The following APOL3 variants were observed in gnomAD, a reference collection of about 807,000 sequenced individuals.
The protein encoded by APOL3 is apolipoprotein L3.
A neutral mutation model predicts 11.6 loss-of-function variants in APOL3; 14 were observed. That is an observed-to-expected ratio of 1.21 (90% CI 0.80 to 1.89). The LOEUF is 1.89. Among genes scored for constraint, APOL3 ranks in the 40% most tolerant of loss-of-function variants. APOL3 has a pLI of 0.00. For missense variants in APOL3, 483 were observed against 492.1 expected, an observed-to-expected ratio of 0.98 and a Z score of 0.17; for synonymous variants, 192 against 190.6, an observed-to-expected ratio of 1.01 and a Z score of -0.06.
At chr22:36,159,746 C>T (rs80584) in intron 1 of APOL3, 135,655 of 152,284 alleles carry the variant, frequency 0.89, 60,704 homozygotes, top group East Asian at 0.97. Flanking sequence ...AACTTCCTGA[C>T]ATGGGACCCT....
chr22:36,159,311 C>T (rs1208545990), intron 1 of APOL3: 3 of 152,176 alleles, frequency 2.0e-5, no homozygotes, highest in African/African-American at 7.2e-5. Context: ...GGCATCCTAA[C>T]CCCCTAAGGC....
At chr22:36,143,284 C>T (rs1288202414) in intron 2 of APOL3, among the ~76,000 whole-genome samples, 1 of 152,248 alleles carries the variant, frequency 6.6e-6, no homozygotes, top group Admixed American at 6.5e-5. Flanking sequence ...CGAAGCTTCA[C>T]ACCTGAAACC....
chr22:36,145,591 GT>G lies in APOL3; in HGVS notation c.231del (p.Lys77AsnfsTer24), dbSNP rs2060167321. 1 of 1,613,230 alleles carries G rather than the reference GT, an allele frequency of 6.2e-7. No homozygotes were observed. The highest frequency in any genetic ancestry group is 1.3e-5 in the African/African-American group (1 of 74,862). On this transcript the variant is annotated frameshift_variant, in exon 2 of 3. Transcript: ENST00000349314. LOFTEE classifies it high-confidence loss of function. ...TATTTGGTGGCCTCTTCAGTAAAGC[GT>G]TTCTTTTCTACTTGGAAACAAAAAG...
intron 1 of APOL3, chr22:36,159,795 C>T (rs2013486739): frequency 6.6e-6 from 1 of 152,368 alleles, no homozygotes; most frequent in East Asian, 1.9e-4. Context: ...AGTTTACCCA[C>T]AGGGCCTGGC....
At chr22:36,141,244 G>T in exon 3 of APOL3, 1 of 1,614,126 alleles carries the variant, frequency 6.2e-7, no homozygotes, top group South Asian at 1.1e-5. Context: ...ATCTGAGTGA[G>T]CTCCATTAGA....
intron 1 of APOL3, among the ~76,000 whole-genome samples, chr22:36,157,274 A>C (rs2146883895): frequency 6.6e-6 from 1 of 152,304 alleles, no homozygotes; most frequent in East Asian, 1.9e-4. Flanking sequence ...TGACACTCTT[A>C]TGCAGCAACC....
intron 2 of APOL3, among the ~76,000 whole-genome samples, chr22:36,143,706 G>T (rs80575): frequency 0.56 from 84,962 of 152,000 alleles, 24,701 homozygotes; most frequent in Middle Eastern, 0.73. Context: ...GCCACTTGAC[G>T]GCCTCCTGAC....
chr22:36,162,788 G>A (rs146607165), upstream of APOL3, among the ~76,000 whole-genome samples: 458 of 152,280 alleles, frequency 3.0e-3, no homozygotes, highest in Non-Finnish European at 5.3e-3. Context: ...CCATCCCAGC[G>A]CAGAATTCCT....
chr22:36,141,826 C>A (rs1308058231), exon 3 of APOL3: 1 of 1,614,218 alleles, frequency 6.2e-7, no homozygotes, highest in East Asian at 2.2e-5. Flanking sequence ...GAGGCAGCGC[C>A]AGTGGAGCTG....
At position 36,145,964 on chromosome 22, in the gene APOL3, C is replaced by CTCTTCCTG. The variant is rs2060188450; in HGVS notation, c.224-366_224-365insCAGGAAGA. Among the ~76,000 whole-genome samples the CTCTTCCTG allele has an allele frequency of 6.0e-5, 8 of 133,404 alleles. No homozygotes were observed. The South Asian group carries it at 2.3e-3, about 38-fold the overall frequency. The allele number at this position is 133,404 out of a possible 152,430, so 87.5% of individuals were successfully genotyped here. ...GCTGTCTCTCTTGCCTTCCAGCCCT[C>CTCTTCCTG]TCTCCCTGTCTCTCTTTCTCTCTCT... On this transcript the variant is annotated intron_variant, in intron 1 of 2. Coordinates refer to ENST00000349314, the Ensembl canonical transcript of APOL3.
Position 36,141,823 on chromosome 22 carries a change from C to T in APOL3, c.586G>A (p.Ala196Thr), listed in dbSNP as rs140252051. 4.7e-3 allele frequency: 7,514 copies of T among 1,614,190 alleles called. 41 individuals carry two copies. The highest frequency in any genetic ancestry group is 5.5e-3 in the Non-Finnish European group (6,467 of 1,180,030). The change falls in exon 3 of 3, where the codon GCT becomes ACT. Residue 196 changes from alanine to threonine, a missense_variant. Physicochemically the swap from Ala to Thr is moderately conservative, Grantham distance 58. Transcript: ENST00000349314. ...GCAAGGGACATGATGCCAGAGGCAGCGCCAGTGGAGCTGGACACCACATTG... is the reference window on the plus strand; with the variant it reads ...GCAAGGGACATGATGCCAGAGGCAGTGCCAGTGGAGCTGGACACCACATTG...
At chr22:36,141,451 C>T (rs1367338789) in exon 3 of APOL3, 1 of 1,614,194 alleles carries the variant, frequency 6.2e-7, no homozygotes, top group Admixed American at 1.7e-5. Context: ...TCTGCTTGAC[C>T]ACCACTTCCA....
At chr22:36,141,310 C>T in exon 3 of APOL3, 1 of 1,614,134 alleles carries the variant, frequency 6.2e-7, no homozygotes, top group East Asian at 2.2e-5. Context: ...GCAGACTTTG[C>T]CCCCTCATGC....
intron 1 of APOL3, chr22:36,157,123 T>G: frequency 2.4e-6 from 1 of 419,158 alleles, no homozygotes; most frequent in South Asian, 1.7e-5. Flanking sequence ...CTTATTACTT[T>G]TGTACGAGGA....
exon 3 of APOL3, chr22:36,141,334 C>G (rs542353913): frequency 1.2e-6 from 2 of 1,614,044 alleles, no homozygotes; most frequent in East Asian, 2.2e-5. Flanking sequence ...TGCTTTGACT[C>G]GTATACAAGG....
chr22:36,153,293 TG>T (rs1319072204), intron 1 of APOL3: 1 of 425,406 alleles, frequency 2.4e-6, no homozygotes, highest in Non-Finnish European at 4.7e-6. Flanking sequence ...ACCTCAATAA[TG>T]GTTTGGATTG....
exon 2 of APOL3, chr22:36,145,488 G>A (rs141517147): frequency 8.2e-5 from 132 of 1,613,930 alleles, no homozygotes; most frequent in East Asian, 7.4e-4. Flanking sequence ...CAATTCAGCC[G>A]CAGTCACGAA....
At chr22:36,154,391 G>C (rs1360739837) in intron 1 of APOL3, 1 of 335,226 alleles carries the variant, frequency 3.0e-6, no homozygotes, top group Non-Finnish European at 5.9e-6. Context: ...ATTCAAGTGA[G>C]AACATTTGAG....
intron 1 of APOL3, 105 bp from the exon 3 acceptor site, chr22:36,145,704 A>G: frequency 1.4e-6 from 2 of 1,439,392 alleles, no homozygotes; most frequent in Non-Finnish European, 1.9e-6. Flanking sequence ...CAGCTGTCAC[A>G]TGGGGTATTT....
Sources: allele counts gnomAD v4.1 joint callset (sites outside exome capture counted in the v4.1 genomes callset), GRCh38; gene constraint gnomAD v4.1.1; transcripts MANE v1.5; gene names NCBI Gene and HGNC (gene_info 2026-07-23, HGNC 2026-07-21).